Variants in ADAM20 observed in about 807,000 individuals in gnomAD.
The protein encoded by ADAM20 is ADAM metallopeptidase domain 20, also known as disintegrin and metalloproteinase domain-containing protein 20.
For missense variants in ADAM20, 871 were observed against 883.2 expected (o/e 0.99, Z 0.18); for synonymous variants, 305 against 310.2 (o/e 0.98, Z 0.18).
At chr14:70,537,869 C>T (rs1595026510), upstream of ADAM20, among the ~76,000 whole-genome samples, 1 of 152,264 alleles carries the variant, frequency 6.6e-6, no homozygotes, top group Middle Eastern at 3.4e-3. Flanking sequence ...ACCTTGACAA[C>T]TTTATAACCA....
the ADAM20 span, among the ~76,000 whole-genome samples, chr14:70,573,403 G>T: frequency 1.3e-5 from 2 of 152,140 alleles, no homozygotes; most frequent in Non-Finnish European, 2.9e-5. Flanking sequence ...CATAAAGATA[G>T]AAATATTAGA....
the ADAM20 span, among the ~76,000 whole-genome samples, chr14:70,541,876 T>C: frequency 1.3e-5 from 2 of 152,218 alleles, no homozygotes; most frequent in East Asian, 1.9e-4. Flanking sequence ...ACAAAGGTAA[T>C]TGTGTCTTTA....
Position 70,523,734 on chromosome 14 carries a change from G to A in ADAM20, c.1024C>T (p.His342Tyr). The change falls in exon 2 of 2, where the codon CAC becomes TAC. Residue 342 changes from histidine (H) to tyrosine (Y), a missense_variant. Coordinates refer to ENST00000256389, the MANE Select transcript of ADAM20 (RefSeq NM_003814.5). Reference sequence around the variant, plus strand: ...ATACCCAAATTATGACCAAGCTCGTGGCCCAAAGTAATTGCAAAAACGACC... The same window carrying A: ...ATACCCAAATTATGACCAAGCTCGTAGCCCAAAGTAATTGCAAAAACGACC... ...RLVVFAITLG[H>Y]ELGHNLGMQH... is the part of the protein sequence containing the mutation. 1 of 1,613,946 alleles carries A rather than the reference G, an allele frequency of 6.2e-7. No individual in the cohort carries two copies. The highest frequency in any genetic ancestry group is 8.5e-7 in the Non-Finnish European group (1 of 1,179,954).
the ADAM20 span, among the ~76,000 whole-genome samples, chr14:70,545,562 G>A: frequency 6.6e-6 from 1 of 152,046 alleles, no homozygotes; most frequent in African/African-American, 2.4e-5. Flanking sequence ...AAAAGAGCAA[G>A]AGTCACTATA....
chr14:70,559,798 T>A, the ADAM20 span, among the ~76,000 whole-genome samples: 5,529 of 150,300 alleles, frequency 0.037, 115 homozygotes, highest in Middle Eastern at 0.059. Context: ...CCTGTGTAGA[T>A]GGAGGGAAGG....
chr14:70,565,264 A>C, the ADAM20 span, among the ~76,000 whole-genome samples: 1 of 151,826 alleles, frequency 6.6e-6, no homozygotes, highest in African/African-American at 2.4e-5. Flanking sequence ...AGAAGTGAAG[A>C]AATCTTAAGG....
In ADAM20 at chr14:70,523,442, C is replaced by T; in HGVS notation, c.1316G>A (p.Cys439Tyr). 1 of 1,614,048 alleles carries T rather than the reference C, an allele frequency of 6.2e-7. No homozygotes were observed. The highest frequency in any genetic ancestry group is 8.5e-7 in the Non-Finnish European group (1 of 1,179,978). ...ACAAGCAGCCCCAGGATGTAGAGTA[C>T]AGTTTAACAGACAACAGGGATCTTT... ...CAKDPCCLLN[C>Y]TLHPGAACAF... Residue 439 changes from cysteine to tyrosine, a missense_variant, in exon 2 of 2, where the codon TGT becomes TAT. Transcript: ENST00000256389.
At chr14:70,540,650 A>C in the ADAM20 span, among the ~76,000 whole-genome samples, 3 of 152,248 alleles carry the variant, frequency 2.0e-5, no homozygotes, top group Admixed American at 6.5e-5. Context: ...GGTTTAATAA[A>C]GATAGCTACA....
intron 1 of ADAM20, among the ~76,000 whole-genome samples, chr14:70,532,021 A>G (rs1305187062): frequency 2.0e-5 from 3 of 152,168 alleles, no homozygotes; most frequent in Non-Finnish European, 4.4e-5. Flanking sequence ...AAGAAGCACA[A>G]ATGGCCCCAA....
chr14:70,567,230 G>A, the ADAM20 span, among the ~76,000 whole-genome samples: 5 of 152,102 alleles, frequency 3.3e-5, no homozygotes, highest in Admixed American at 3.3e-4. Context: ...CCTGCCTAGG[G>A]TTTCTCCGCC....
At chr14:70,535,835 G>A (rs1050853412), upstream of ADAM20, among the ~76,000 whole-genome samples, 1 of 121,270 alleles carries the variant, frequency 8.2e-6, no homozygotes, top group African/African-American at 3.1e-5. Context: ...AAAATAAAGT[G>A]GATATACTTT....
Position 70,523,628 on chromosome 14 carries a change from C to T in ADAM20, c.1130G>A (p.Ser377Asn). The T allele has an allele frequency of 6.2e-7, 1 of 1,614,048 alleles. No individual in the cohort carries two copies. Among genetic ancestry groups the T allele is most frequent in the Non-Finnish European group, 8.5e-7 (1 of 1,179,972 alleles). Residue 377 changes from serine to asparagine, a missense_variant, in exon 2 of 2, where the codon AGC becomes AAC. By Grantham distance (46) the Ser-to-Asn change is conservative. Coordinates refer to ENST00000256389, the MANE Select transcript of ADAM20 (RefSeq NM_003814.5). The part of the protein sequence containing the change: ...HAYRKVTTKF[S>N]NCSYAQYWDS... Reference sequence around the variant, plus strand: ...CCAATATTGGGCATAACTGCAGTTGCTAAATTTAGTTGTCACCTTTCTATA... The same window carrying T: ...CCAATATTGGGCATAACTGCAGTTGTTAAATTTAGTTGTCACCTTTCTATA...
chr14:70,569,299 T>C, the ADAM20 span, among the ~76,000 whole-genome samples: 1 of 152,180 alleles, frequency 6.6e-6, no homozygotes, highest in African/African-American at 2.4e-5. Context: ...AACGAAAGAA[T>C]GATACTGCTA....
At chr14:70,553,190 G>A in the ADAM20 span, among the ~76,000 whole-genome samples, 1 of 67,918 alleles carries the variant, frequency 1.5e-5, no homozygotes, top group South Asian at 5.6e-4. Context: ...GGATAGCATT[G>A]GGAGATATAC....
chr14:70,556,628 G>A, the ADAM20 span: 1 of 152,214 alleles, frequency 6.6e-6, no homozygotes, highest in Non-Finnish European at 1.5e-5. Context: ...TACAGTTGAC[G>A]CTTGAATAAC....
the ADAM20 span, among the ~76,000 whole-genome samples, chr14:70,566,080 A>G: frequency 2.0e-5 from 3 of 152,216 alleles, no homozygotes; most frequent in East Asian, 3.8e-4. Context: ...AAGTTGCTCA[A>G]GTTGAAACAA....
chr14:70,539,945 G>C (rs1042015035), upstream of ADAM20, among the ~76,000 whole-genome samples: 1 of 152,192 alleles, frequency 6.6e-6, no homozygotes, highest in Non-Finnish European at 1.5e-5. Context: ...ACTATCTTGT[G>C]TGTGTCTATT....
At chr14:70,547,523 GA>G in the ADAM20 span, 1 of 122,670 alleles carries the variant, frequency 8.2e-6, no homozygotes, top group East Asian at 2.4e-4. Flanking sequence ...TTCCCTTTCC[GA>G]GTCAAAGAAA....
intron 1 of ADAM20, among the ~76,000 whole-genome samples, chr14:70,528,582 G>A (rs146182639): frequency 2.9e-4 from 44 of 152,262 alleles, no homozygotes; most frequent in Admixed American, 2.2e-3. Flanking sequence ...AAACAAAAAG[G>A]TTTCCTCATT....
Sources: gnomAD v4.1 joint callset for allele counts (sites outside exome capture counted in the v4.1 genomes callset) on GRCh38, gnomAD v4.1.1 for gene constraint, MANE v1.5 for transcripts, NCBI Gene and HGNC (gene_info 2026-07-23, HGNC 2026-07-21) for gene names.